The following INPP4B variants were observed in gnomAD, a reference collection of about 807,000 sequenced individuals.
The protein encoded by INPP4B is inositol polyphosphate 4-phosphatase type II.
Under a neutral mutation model 122.5 loss-of-function variants are expected in INPP4B, and 55 were observed. The observed-to-expected ratio is 0.45, with a 90% confidence interval of 0.36 to 0.56. The LOEUF (loss-of-function observed/expected upper bound fraction) is 0.56. Among genes scored for constraint, INPP4B ranks in the 20% least tolerant of loss-of-function variants. The pLI is 0.00. For synonymous variants in INPP4B, 403 were observed against 388.7 expected (o/e 1.04, Z -0.43); for missense variants, 1,000 against 1,097.7 (o/e 0.91, Z 1.26).
At chr4:142,734,800 C>T (rs1766602317) in intron 1 of INPP4B, among the ~76,000 whole-genome samples, 1 of 152,146 alleles carries the variant, frequency 6.6e-6, no homozygotes, top group African/African-American at 2.4e-5. Context: ...CATGCGCCAG[C>T]ACGCCCAGCT....
chr4:142,839,571 G>A (rs946145390), intron 1 of INPP4B, among the ~76,000 whole-genome samples: 3 of 152,140 alleles, frequency 2.0e-5, no homozygotes, highest in Admixed American at 6.5e-5. Flanking sequence ...TTTTACTATA[G>A]TAATTATTTT....
chr4:142,032,712 C>T (rs1741088262), intron 25 of INPP4B, among the ~76,000 whole-genome samples: 1 of 148,548 alleles, frequency 6.7e-6, no homozygotes, highest in Non-Finnish European at 1.5e-5. Context: ...TTGAGCATGT[C>T]ATTCAGTATG....
chr4:142,207,108 C>A (rs1842892821), intron 14 of INPP4B, among the ~76,000 whole-genome samples: 1 of 152,070 alleles, frequency 6.6e-6, no homozygotes, highest in African/African-American at 2.4e-5. Context: ...CAGGTTCATC[C>A]ATGTTGTCTC....
At chr4:142,125,030 C>T (rs1490911724) in intron 18 of INPP4B, among the ~76,000 whole-genome samples, 1 of 152,152 alleles carries the variant, frequency 6.6e-6, no homozygotes, top group East Asian at 1.9e-4. Flanking sequence ...AATCTGTGCA[C>T]TACCTGTATC....
At chr4:142,158,549 G>T (rs1004323494) in intron 17 of INPP4B, among the ~76,000 whole-genome samples, 3 of 152,082 alleles carry the variant, frequency 2.0e-5, no homozygotes, top group African/African-American at 7.2e-5. Context: ...AGTTCTGGAC[G>T]TAAAATTTTG....
At chr4:142,172,273 A>G (rs1247769901) in intron 16 of INPP4B, among the ~76,000 whole-genome samples, 1 of 151,932 alleles carries the variant, frequency 6.6e-6, no homozygotes, top group Non-Finnish European at 1.5e-5. Context: ...TTTTGTTTGA[A>G]TCCTGTATTT....
At chr4:142,541,821 C>T (rs1580326559) in intron 2 of INPP4B, among the ~76,000 whole-genome samples, 1 of 152,222 alleles carries the variant, frequency 6.6e-6, no homozygotes, top group Admixed American at 6.5e-5. Flanking sequence ...TCAGCTCCAG[C>T]TTATTTCTGC....
chr4:142,588,664 A>C (rs1420257262), intron 2 of INPP4B, among the ~76,000 whole-genome samples: 1 of 151,486 alleles, frequency 6.6e-6, no homozygotes, highest in African/African-American at 2.4e-5. Context: ...GCAGAAAACT[A>C]TAAAAATCTG....
At chr4:142,276,511 A>G (rs75159850) in intron 9 of INPP4B, among the ~76,000 whole-genome samples, 6,005 of 151,970 alleles carry the variant, frequency 0.04, 387 homozygotes, top group African/African-American at 0.14. Context: ...CTATACAGTA[A>G]ACAGCTATGT....
chr4:142,755,488 T>C (rs906524522), intron 1 of INPP4B, among the ~76,000 whole-genome samples: 5 of 151,968 alleles, frequency 3.3e-5, no homozygotes, highest in African/African-American at 1.2e-4. Flanking sequence ...AGCTATAATT[T>C]TGATTCCTTT....
At chr4:142,570,633 A>G (rs1732597884) in intron 2 of INPP4B, among the ~76,000 whole-genome samples, 2 of 152,088 alleles carry the variant, frequency 1.3e-5, no homozygotes, top group Non-Finnish European at 2.9e-5. Context: ...AGTATATTTA[A>G]AGAAGAATAA....
chr4:142,310,717 T>C (rs1765218354), intron 8 of INPP4B, among the ~76,000 whole-genome samples: 1 of 151,580 alleles, frequency 6.6e-6, no homozygotes, highest in East Asian at 1.9e-4. Flanking sequence ...GGTATGGTTA[T>C]ATTATTTCCT....
rs567811260 is a variant in INPP4B at position 142,260,075 on chromosome 4, C to G, written c.688+417G>C. ...TCTCGGCTCCCTGCAACCTCCGCCC[C>G]TCGGGTTCAAGCGATTCTCTTGCCT... is the stretch of plus-strand genomic sequence containing the variant. On this transcript the variant is annotated intron_variant, in intron 11 of 25. Transcript: ENST00000262992. Among the ~76,000 whole-genome samples the G allele has an allele frequency of 5.3e-5, 8 of 152,274 alleles. No individual in the cohort carries two copies. The East Asian group carries it at 1.5e-3, about 29-fold the overall frequency.
chr4:142,052,366 C>G (rs1755109566), intron 25 of INPP4B, among the ~76,000 whole-genome samples: 1 of 151,878 alleles, frequency 6.6e-6, no homozygotes, highest in African/African-American at 2.4e-5. Context: ...TTAAAATTTG[C>G]CCAAAAATTG....
chr4:142,402,220 A>G (rs1437989882), intron 7 of INPP4B, among the ~76,000 whole-genome samples: 1 of 152,206 alleles, frequency 6.6e-6, no homozygotes, highest in Non-Finnish European at 1.5e-5. Flanking sequence ...TTGAAGACAC[A>G]TACAAATTCA....
intron 12 of INPP4B, among the ~76,000 whole-genome samples, chr4:142,211,171 A>G: frequency 6.6e-6 from 1 of 152,236 alleles, no homozygotes; most frequent in East Asian, 1.9e-4. Flanking sequence ...ATAAAAGTGT[A>G]ATAAACCAGA....
chr4:142,736,705 C>T lies in INPP4B; in HGVS notation c.-253-10804G>A, dbSNP rs1163405635. Among the ~76,000 whole-genome samples the T allele has an allele frequency of 3.9e-5, 6 of 152,220 alleles. No individual in the cohort carries two copies. In the South Asian group the frequency reaches 8.3e-4, roughly 21 times the overall value. ...AGCTTAAGGTGATTTTGGGCTGAGA[C>T]GATGCGGTTTTCTAGATATACAATC... On this transcript the variant is annotated intron_variant, in intron 1 of 25. Coordinates refer to ENST00000262992, the MANE Select transcript of INPP4B (RefSeq NM_001101669.3).
chr4:142,236,447 T>G lies in INPP4B; in HGVS notation c.836+1417A>C, dbSNP rs542409384. 5.9e-5 allele frequency among the ~76,000 whole-genome samples: 9 copies of G among 152,268 alleles called. No homozygotes were observed. In the South Asian group the frequency reaches 1.9e-3, roughly 32 times the overall value. On this transcript the variant is annotated intron_variant, in intron 12 of 25. Transcript: ENST00000262992. ...TTCAGGATAACTTGGCTTCTTAACTTCCTCTTGCAGTTGGCTCTTATGGAA... is the reference window on the plus strand; with the variant it reads ...TTCAGGATAACTTGGCTTCTTAACTGCCTCTTGCAGTTGGCTCTTATGGAA...
At chr4:142,088,321 A>G (rs1157141110) in intron 23 of INPP4B, among the ~76,000 whole-genome samples, 4 of 152,230 alleles carry the variant, frequency 2.6e-5, no homozygotes, top group African/African-American at 9.6e-5. Context: ...GTCCACCATC[A>G]CTGCTTTTAA....
Sources: allele counts gnomAD v4.1 joint callset (sites outside exome capture counted in the v4.1 genomes callset), GRCh38; gene constraint gnomAD v4.1.1; transcripts MANE v1.5; gene names NCBI Gene and HGNC (gene_info 2026-07-23, HGNC 2026-07-21).